C13orf42: variants seen among roughly 807,000 people sequenced by gnomAD.
C13orf42 encodes the protein uncharacterized protein C13orf42.
intron 1 of C13orf42, among the ~76,000 whole-genome samples, chr13:51,160,746 C>G (rs529029043): frequency 1.3e-5 from 2 of 152,020 alleles, no homozygotes; most frequent in South Asian, 2.1e-4. Context: ...TCTTAGCAAA[C>G]TAGAAATATA....
intron 1 of C13orf42, among the ~76,000 whole-genome samples, chr13:51,143,287 G>C (rs557967485): frequency 6.6e-6 from 1 of 152,248 alleles, no homozygotes; most frequent in South Asian, 2.1e-4. Context: ...GGGACTATGG[G>C]GGAAGAGGTG....
rs1202370498 is a variant in C13orf42, at chr13:51,153,621, G to GTTTTTTTTTTTT, written n.136+18631_136+18632insAAAAAAAAAAAA. 1.7e-3 allele frequency among the ~76,000 whole-genome samples: 142 copies of GTTTTTTTTTTTT among 81,982 alleles called. 7 individuals carry two copies. Among genetic ancestry groups the GTTTTTTTTTTTT allele is most frequent in the East Asian group, 4.1e-3 (12 of 2,938 alleles). The allele number at this position is 81,982 out of a possible 152,430, so 53.8% of individuals were successfully genotyped here. A position where few individuals can be genotyped will look rare whatever the true frequency, so the allele number is the denominator to read the frequency against. On this transcript the variant is annotated intron_variant and non_coding_transcript_variant, in intron 1 of 4. Transcript: ENST00000433280. ...TTATCAACCCATTTTCTTGCTTTCTGTTTTTTTTCTTTTTTTTTTTTTTTT... is the reference window on the plus strand; with the variant it reads ...TTATCAACCCATTTTCTTGCTTTCTGTTTTTTTTTTTTTTTTTTTTCTTTTTTTTTTTTTTTT...
intron 1 of C13orf42, among the ~76,000 whole-genome samples, chr13:51,091,340 A>C (rs1437346995): frequency 1.3e-5 from 2 of 152,164 alleles, no homozygotes; most frequent in Non-Finnish European, 2.9e-5. Context: ...CTCTCATCAC[A>C]AAAGAGGGCT....
intron 2 of C13orf42, among the ~76,000 whole-genome samples, chr13:51,086,912 A>T (rs1158331519): frequency 6.6e-6 from 1 of 152,170 alleles, no homozygotes; most frequent in Non-Finnish European, 1.5e-5. Context: ...AACTGCAAAG[A>T]ACCCAATTTG....
chr13:51,159,151 CAT>C (rs1423028763), intron 1 of C13orf42, among the ~76,000 whole-genome samples: 2 of 152,214 alleles, frequency 1.3e-5, no homozygotes, highest in African/African-American at 4.8e-5. Flanking sequence ...CCCCACCAAT[CAT>C]GTGCATCAAA....
chr13:51,085,839 C>G (rs1210300862), intron 2 of C13orf42, among the ~76,000 whole-genome samples: 1 of 152,110 alleles, frequency 6.6e-6, no homozygotes, highest in Non-Finnish European at 1.5e-5. Context: ...CACCTGAGGC[C>G]AGGAGTTGAG....
At chr13:51,115,349 C>T (rs2138008958), upstream of C13orf42, among the ~76,000 whole-genome samples, 1 of 152,312 alleles carries the variant, frequency 6.6e-6, no homozygotes, top group South Asian at 2.1e-4. Flanking sequence ...GTGACTAGCA[C>T]ACCTGCTTAC....
chr13:51,091,177 G>C lies in C13orf42; in HGVS notation c.415-3102C>G, dbSNP rs149069210. Among the ~76,000 whole-genome samples the C allele has an allele frequency of 2.0e-5, 3 of 152,204 alleles. No homozygotes were observed. In the East Asian group the frequency reaches 5.8e-4, roughly 29 times the overall value. ...CCTGTTCTTCCAGGTCCCACTTCCC[G>C]GGCTCTGCTGGCCCAGTCAATACAT... On this transcript the variant is annotated intron_variant, in intron 1 of 3. Transcript: ENST00000563710.
chr13:51,113,778 C>T (rs1953458809), upstream of C13orf42, among the ~76,000 whole-genome samples: 1 of 152,170 alleles, frequency 6.6e-6, no homozygotes, highest in Non-Finnish European at 1.5e-5. Context: ...AACCCCAAAT[C>T]AGTCCCCCCA....
chr13:51,104,775 A>T (rs200651824), intron 1 of C13orf42, among the ~76,000 whole-genome samples: 1 of 18,118 alleles, frequency 5.5e-5, no homozygotes, highest in Non-Finnish European at 8.8e-5. Flanking sequence ...CTATTATATT[A>T]AAAAAAAAAA....
chr13:51,111,889 T>TG (rs5803552), upstream of C13orf42, among the ~76,000 whole-genome samples: 129,703 of 152,146 alleles, frequency 0.85, 55,833 homozygotes, highest in African/African-American at 0.96. Flanking sequence ...CCTGCGGTAA[T>TG]GGACCTCACA....
In C13orf42 at chr13:51,084,208, C is replaced by T; in HGVS notation, c.921G>A (p.Glu307=). The T allele has an allele frequency of 2.5e-6, 1 of 398,726 alleles. No individual in the cohort carries two copies. The highest frequency in any genetic ancestry group is 4.4e-6 in the Non-Finnish European group (1 of 226,122). The allele number at this position is 398,726 out of a possible 1,614,324, so 24.7% of individuals were successfully genotyped here. A position where few individuals can be genotyped will look rare whatever the true frequency, so the allele number is the denominator to read the frequency against. ...LSPGEDYYET[E]NPKGQWLLRE... ...GAAGCAGCCACTGTCCTTTGGGGTT[C>T]TCTGTCTCATAGTAGTCCTCCCCAG... The change falls in exon 4 of 4, where the codon GAG becomes GAA. Residue 307 remains glutamate, a synonymous_variant. Coordinates refer to ENST00000563710, the MANE Select transcript of C13orf42 (RefSeq NM_001351589.3).
intron 1 of C13orf42, among the ~76,000 whole-genome samples, chr13:51,095,724 T>C (rs1260802135): frequency 6.6e-6 from 1 of 152,230 alleles, no homozygotes; most frequent in Non-Finnish European, 1.5e-5. Flanking sequence ...ATGGTTTCCA[T>C]CTTTCTGCTG....
At chr13:51,141,355 A>G in intron 1 of C13orf42, among the ~76,000 whole-genome samples, 1 of 151,912 alleles carries the variant, frequency 6.6e-6, no homozygotes, top group African/African-American at 2.4e-5. Flanking sequence ...GACACTCAGA[A>G]GTGTCTGTTT....
chr13:51,133,051 T>C (rs1953631060), intron 1 of C13orf42, among the ~76,000 whole-genome samples: 1 of 152,202 alleles, frequency 6.6e-6, no homozygotes, highest in Admixed American at 6.5e-5. Flanking sequence ...CCACCCCTTG[T>C]TTGGCATACA....
intron 3 of C13orf42, 33 bp from the exon 4 acceptor site, chr13:51,084,358 T>C (rs1227999218): frequency 5.0e-6 from 2 of 398,678 alleles, no homozygotes. Flanking sequence ...GAGGTTTAAG[T>C]TCGGCTTGGC....
intron 1 of C13orf42, among the ~76,000 whole-genome samples, chr13:51,094,111 T>C (rs1430742283): frequency 2.0e-5 from 3 of 152,160 alleles, no homozygotes; most frequent in African/African-American, 7.2e-5. Flanking sequence ...TTTGACACAA[T>C]CCTGGTATCT....
chr13:51,087,993 A>C lies in C13orf42; in HGVS notation c.497T>G (p.Leu166Arg), dbSNP rs1201562534. 1 of 398,734 alleles carries C rather than the reference A, an allele frequency of 2.5e-6. No individual in the cohort carries two copies. Among genetic ancestry groups the C allele is most frequent in the Non-Finnish European group, 4.4e-6 (1 of 226,164 alleles). The allele number at this position is 398,734 out of a possible 1,614,324, so 24.7% of individuals were successfully genotyped here. Residue 166 changes from leucine to arginine, a missense_variant, in exon 2 of 4, where the codon CTG (leucine) becomes CGG (arginine). Transcript: ENST00000563710. ...AGCCCGGGGTCGTCTCTCTGTATCCAGCTCTGCAATGATGGAGTCAAAGAA... is the reference window on the plus strand; with the variant it reads ...AGCCCGGGGTCGTCTCTCTGTATCCCGCTCTGCAATGATGGAGTCAAAGAA... ...IAFFDSIIAELDTERRPRAAE... is the reference protein window; with the variant it reads ...IAFFDSIIAERDTERRPRAAE...
At chr13:51,092,018 C>T (rs528780786) in intron 1 of C13orf42, among the ~76,000 whole-genome samples, 51 of 152,250 alleles carry the variant, frequency 3.3e-4, no homozygotes, top group Admixed American at 5.2e-4. Flanking sequence ...TCCTATTGGC[C>T]CAAAGTATGA....
Sources: allele counts gnomAD v4.1 joint callset (sites outside exome capture counted in the v4.1 genomes callset), GRCh38; gene constraint gnomAD v4.1.1; transcripts MANE v1.5; gene names NCBI Gene and HGNC (gene_info 2026-07-23, HGNC 2026-07-21).